ABAT: variants seen among roughly 807,000 people sequenced by gnomAD.
ABAT encodes 4-aminobutyrate aminotransferase.
In ABAT, 45 loss-of-function variants were observed where a neutral mutation model predicts 64.6. The observed-to-expected ratio is 0.70, with a 90% confidence interval of 0.55 to 0.89. The LOEUF (loss-of-function observed/expected upper bound fraction) is 0.89. Among genes scored for constraint, ABAT ranks in the 40% least tolerant of loss-of-function variants. The probability of loss-of-function intolerance (pLI) is 0.00; values close to 1 mark genes in which losing one functional copy is unlikely to be tolerated. For missense variants in ABAT, 633 were observed against 658.4 expected (o/e 0.96, Z 0.42); for synonymous variants, 297 against 250.5 (o/e 1.19, Z -1.75).
At chr16:8,714,037 C>T (rs1430142823) in intron 1 of ABAT, among the ~76,000 whole-genome samples, 1 of 152,124 alleles carries the variant, frequency 6.6e-6, no homozygotes, top group Non-Finnish European at 1.5e-5. Flanking sequence ...TGCACATGTG[C>T]CTGGCTCTCT....
At chr16:8,731,876 C>CA (rs971871079) in intron 1 of ABAT, among the ~76,000 whole-genome samples, 1 of 152,030 alleles carries the variant, frequency 6.6e-6, no homozygotes, top group African/African-American at 2.4e-5. Flanking sequence ...CTCCTTGAAA[C>CA]AGAGTCTCGC....
chr16:8,769,845 C>A (rs1373858382), intron 11 of ABAT, among the ~76,000 whole-genome samples: 3 of 152,140 alleles, frequency 2.0e-5, no homozygotes, highest in Non-Finnish European at 4.4e-5. Flanking sequence ...AAAAAAATAT[C>A]ACTGTTTGGG....
Position 8,783,513 on chromosome 16 carries a change from G to A in ABAT, c.*2083G>A, listed in dbSNP as rs2060484989. On this transcript the variant is annotated 3_prime_UTR_variant, in exon 16 of 16. Coordinates refer to ENST00000268251, the MANE Select transcript of ABAT (RefSeq NM_020686.6). Reference sequence around the variant, plus strand: ...CCAAGCAGGCAAGGCAAGGAAGGGTGTTGCAGAGAGGGAACAGCATATGCA... The same window carrying A: ...CCAAGCAGGCAAGGCAAGGAAGGGTATTGCAGAGAGGGAACAGCATATGCA... The A allele has an allele frequency of 6.6e-6, 1 of 152,228 alleles. No homozygotes were observed. The allele number at this position is 152,228 out of a possible 1,614,324, so 9.4% of individuals were successfully genotyped here. A position where few individuals can be genotyped will look rare whatever the true frequency, so the allele number is the denominator to read the frequency against.
chr16:8,773,111 CACA>C (rs2060163086), intron 12 of ABAT, among the ~76,000 whole-genome samples, 194 bp downstream of exon 12: 1 of 101,510 alleles, frequency 9.9e-6, no homozygotes, highest in Non-Finnish European at 1.9e-5. Context: ...ACTATACACA[CACA>C]CACACACACA....
chr16:8,706,781 A>G (rs1173690523), intron 1 of ABAT, among the ~76,000 whole-genome samples: 1 of 152,244 alleles, frequency 6.6e-6, no homozygotes. Context: ...ATTACGCAAG[A>G]AGCTATAAGA....
rs1196659369 is a variant in ABAT, at chr16:8,764,233, A to G, written c.447+84A>G. 4 of 1,128,014 alleles carry G rather than the reference A, an allele frequency of 3.5e-6. No homozygotes were observed. The highest frequency in any genetic ancestry group is 3.0e-5 in the African/African-American group (2 of 65,628). The allele number at this position is 1,128,014 out of a possible 1,614,324, so 69.9% of individuals were successfully genotyped here. ...AAAGTGGAGACGCCAACAATGAAGA[A>G]TAAGGTGTTGCTACAGAAATCTTTC... On this transcript the variant is annotated intron_variant, in intron 7 of 15. Transcript: ENST00000268251. The surrounding 1 kb of genome is among the most constrained non-coding windows in gnomAD (Gnocchi z 4.2).
rs758026320 is a variant in ABAT at position 8,781,306 on chromosome 16, C to T, written c.1382-3C>T. ...CTCCTCACCTACCTCCTGCCTCTTT[C>T]AGGTGTGGTGTTGGGTGGCTGTGGT... On this transcript the variant is annotated splice_polypyrimidine_tract_variant and splice_region_variant and intron_variant, in intron 15 of 15. Transcript: ENST00000268251. This position sits in a 1 kb window ranked among gnomAD's most constrained non-coding sequence, Gnocchi z 4.5. The T allele has an allele frequency of 6.2e-7, 1 of 1,614,100 alleles. No homozygotes were observed. Among genetic ancestry groups the T allele is most frequent in the Non-Finnish European group, 8.5e-7 (1 of 1,179,992 alleles).
Position 8,743,423 on chromosome 16 carries a change from T to TTATATATATATATATATATATATATA in ABAT, c.71-2556_71-2555insTATATATATATATATATATATATATA, listed in dbSNP as rs1182574273. 3.7e-3 allele frequency among the ~76,000 whole-genome samples: 168 copies of TTATATATATATATATATATATATATA among 45,174 alleles called. 1 individual carries two copies. Among genetic ancestry groups the TTATATATATATATATATATATATATA allele is most frequent in the African/African-American group, 5.7e-3 (46 of 8,128 alleles). 29.6% of individuals were successfully genotyped at this position (45,174 alleles called of 152,430 possible). A position where few individuals can be genotyped will look rare whatever the true frequency, so the allele number is the denominator to read the frequency against. On this transcript the variant is annotated intron_variant, in intron 2 of 15. Transcript: ENST00000268251. ...GTCCCCTCTTGTGTAATGGAAACAG[T>TTATATATATATATATATATATATATA]TATATATATATATATATATATACAC...
intron 5 of ABAT, among the ~76,000 whole-genome samples, chr16:8,752,140 T>G (rs2059506341): frequency 6.6e-6 from 1 of 152,228 alleles, no homozygotes; most frequent in Non-Finnish European, 1.5e-5. Context: ...CTTCTTCCCC[T>G]GCTCATTTCC....
rs941322248 is a variant in ABAT at position 8,772,716 on chromosome 16, C to G, written c.817-64C>G. On this transcript the variant is annotated intron_variant, in intron 11 of 15. Transcript: ENST00000268251. ...CATGGGGCTCATCGAACCCCAGATT[C>G]CCACCCACGGATACTGGTCACAAGC... 23 of 1,610,350 alleles carry G rather than the reference C, an allele frequency of 1.4e-5. No homozygotes were observed. In the African/African-American group the frequency reaches 2.8e-4, roughly 20 times the overall value.
intron 1 of ABAT, among the ~76,000 whole-genome samples, chr16:8,730,466 G>A (rs908001470): frequency 1.3e-5 from 2 of 152,140 alleles, no homozygotes; most frequent in African/African-American, 4.8e-5. Context: ...GTGTTTCCCA[G>A]CACCTGAACC....
chr16:8,695,108 G>A (rs1049680754), intron 1 of ABAT, among the ~76,000 whole-genome samples: 13 of 152,204 alleles, frequency 8.5e-5, no homozygotes, highest in Non-Finnish European at 1.0e-4. Context: ...CTGTCCCTAT[G>A]AGCTCAGTTC....
intron 2 of ABAT, among the ~76,000 whole-genome samples, chr16:8,743,936 A>T (rs2059255703): frequency 6.6e-6 from 1 of 151,936 alleles, no homozygotes. Flanking sequence ...ACCCTCACAC[A>T]CTTGTCTTGG....
At chr16:8,746,357 A>G (rs1277826004) in intron 3 of ABAT, among the ~76,000 whole-genome samples, 1 of 151,672 alleles carries the variant, frequency 6.6e-6, no homozygotes, top group Non-Finnish European at 1.5e-5. Flanking sequence ...GTTCAAGACC[A>G]GCCTGGCCAA....
In ABAT at chr16:8,709,620, C is replaced by T. The variant is rs527640287; in HGVS notation, c.-41-26079C>T. Reference sequence around the variant, plus strand: ...AACCCCTGACATCAAATGATCCACCCGCCTTGGCTTCCCAAAGTGCTGGGA... The same window carrying T: ...AACCCCTGACATCAAATGATCCACCTGCCTTGGCTTCCCAAAGTGCTGGGA... On this transcript the variant is annotated intron_variant, in intron 1 of 15. Transcript: ENST00000268251. 1.8e-4 allele frequency among the ~76,000 whole-genome samples: 28 copies of T among 152,282 alleles called. No homozygotes were observed. The South Asian group carries it at 3.9e-3, about 21-fold the overall frequency.
chr16:8,764,288 T>C lies in ABAT; in HGVS notation c.447+139T>C, dbSNP rs1308506146. Reference sequence around the variant, plus strand: ...TGAGCTTATTCTTCCATGCAGAGTATTTTAAATTTTTCTTTTAAAGGACAG... The same window carrying C: ...TGAGCTTATTCTTCCATGCAGAGTACTTTAAATTTTTCTTTTAAAGGACAG... On this transcript the variant is annotated intron_variant, in intron 7 of 15. Transcript: ENST00000268251. The surrounding 1 kb of genome is among the most constrained non-coding windows in gnomAD (Gnocchi z 4.2). 16 of 798,712 alleles carry C rather than the reference T, an allele frequency of 2.0e-5. No homozygotes were observed. The highest frequency in any genetic ancestry group is 3.1e-5 in the Non-Finnish European group (15 of 483,050). 49.5% of individuals were successfully genotyped at this position (798,712 alleles called of 1,614,324 possible). A position where few individuals can be genotyped will look rare whatever the true frequency, so the allele number is the denominator to read the frequency against.
rs1268997588 is a variant in ABAT, at chr16:8,780,770, A to G, written c.1382-539A>G. 12 of 190,606 alleles carry G rather than the reference A, an allele frequency of 6.3e-5. No individual in the cohort carries two copies. In the East Asian group the frequency reaches 1.6e-3, roughly 26 times the overall value. The allele number at this position is 190,606 out of a possible 1,614,324, so 11.8% of individuals were successfully genotyped here. A position where few individuals can be genotyped will look rare whatever the true frequency, so the allele number is the denominator to read the frequency against. On this transcript the variant is annotated intron_variant, in intron 15 of 15. Transcript: ENST00000268251. ...AGCGCGAGACTCCATCTCTAAAAAA[A>G]AAAAAAAAAAAGGCATAAACAACCT...
intron 5 of ABAT, among the ~76,000 whole-genome samples, chr16:8,750,877 C>A (rs2059460653): frequency 6.6e-6 from 1 of 151,608 alleles, no homozygotes; most frequent in African/African-American, 2.4e-5. Flanking sequence ...CAGTGGCACC[C>A]AGGTAGGTGT....
intron 10 of ABAT, among the ~76,000 whole-genome samples, 195 bp downstream of exon 10, chr16:8,768,451 G>A (rs1211310542): frequency 6.6e-6 from 1 of 152,152 alleles, no homozygotes; most frequent in African/African-American, 2.4e-5. Context: ...AATTTCCAAG[G>A]CTATTCAGTG....
Sources: gnomAD v4.1 joint callset for allele counts (sites outside exome capture counted in the v4.1 genomes callset) on GRCh38, gnomAD v4.1.1 for gene constraint, Gnocchi (gnomAD v3.1) non-coding constraint, MANE v1.5 for transcripts, NCBI Gene and HGNC (gene_info 2026-07-23, HGNC 2026-07-21) for gene names.